Variants in ADGRG6 observed in about 807,000 individuals in gnomAD.
ADGRG6 encodes the protein G-protein coupled receptor 126.
ADGRG6 carries 84 observed loss-of-function variants against 142.4 expected under a neutral mutation model. The ratio of observed to expected loss-of-function variants is 0.59; its 90% CI spans 0.49 to 0.71. ADGRG6 has a LOEUF of 0.71. Among genes scored for constraint, ADGRG6 ranks in the 30% least tolerant of loss-of-function variants. The pLI is 0.00. For missense variants in ADGRG6, 1,367 were observed against 1,466.6 expected, an observed-to-expected ratio of 0.93 and a Z score of 1.11; for synonymous variants, 521 against 520.5, an observed-to-expected ratio of 1.00 and a Z score of -0.01.
chr6:142,311,627 A>C (rs1165067510), intron 2 of ADGRG6, among the ~76,000 whole-genome samples: 1 of 151,970 alleles, frequency 6.6e-6, no homozygotes, highest in Non-Finnish European at 1.5e-5. Flanking sequence ...CTAGTGCTTA[A>C]CTGATGTTAT....
intron 2 of ADGRG6, among the ~76,000 whole-genome samples, chr6:142,345,675 A>C (rs1270601505): frequency 6.6e-6 from 1 of 152,146 alleles, no homozygotes; most frequent in Non-Finnish European, 1.5e-5. Flanking sequence ...TTGTGATCAA[A>C]TAATTCAGTC....
chr6:142,417,556 A>T (rs1776429779), intron 21 of ADGRG6, among the ~76,000 whole-genome samples, 187 bp downstream of exon 21: 1 of 152,194 alleles, frequency 6.6e-6, no homozygotes, highest in South Asian at 2.1e-4. Context: ...ACACTTTTTC[A>T]TATTAACATT....
At chr6:142,442,713 T>C (rs1177362127) in intron 24 of ADGRG6, among the ~76,000 whole-genome samples, 3 of 152,086 alleles carry the variant, frequency 2.0e-5, no homozygotes, top group Non-Finnish European at 4.4e-5. Flanking sequence ...TTTCCAGTTG[T>C]TTATCCAGCT....
At chr6:142,390,920 C>T (rs1006292346) in intron 7 of ADGRG6, among the ~76,000 whole-genome samples, 4 of 151,608 alleles carry the variant, frequency 2.6e-5, no homozygotes, top group African/African-American at 7.3e-5. Flanking sequence ...CGTTCTATAC[C>T]GTACTTATTT....
chr6:142,366,716 C>T (rs1780956962), intron 2 of ADGRG6, among the ~76,000 whole-genome samples: 1 of 149,152 alleles, frequency 6.7e-6, no homozygotes, highest in African/African-American at 2.5e-5. Flanking sequence ...AATTATGCCA[C>T]TTCCCTCCAG....
chr6:142,389,803 G>T (rs888526799), intron 6 of ADGRG6, among the ~76,000 whole-genome samples: 3 of 151,806 alleles, frequency 2.0e-5, no homozygotes, highest in African/African-American at 7.2e-5. Context: ...GTAAGTATGT[G>T]TATGCCTGTT....
At chr6:142,352,830 C>T (rs573615139) in intron 2 of ADGRG6, among the ~76,000 whole-genome samples, 1 of 151,946 alleles carries the variant, frequency 6.6e-6, no homozygotes, top group South Asian at 2.1e-4. Flanking sequence ...CTTGTCTCTT[C>T]TTATGAATTT....
chr6:142,357,054 G>A (rs76000170), intron 2 of ADGRG6, among the ~76,000 whole-genome samples: 1,882 of 152,252 alleles, frequency 0.012, 43 homozygotes, highest in African/African-American at 0.042. Flanking sequence ...AAGATCTCGA[G>A]AGAGCTTCTA....
At chr6:142,381,141 G>C (rs1000442753) in intron 4 of ADGRG6, among the ~76,000 whole-genome samples, 4 of 152,178 alleles carry the variant, frequency 2.6e-5, no homozygotes, top group African/African-American at 9.7e-5. Context: ...TCATGTGCGA[G>C]CTGTGCCTAC....
intron 2 of ADGRG6, among the ~76,000 whole-genome samples, chr6:142,357,225 A>G (rs529640316): frequency 2.1e-4 from 32 of 152,286 alleles, no homozygotes; most frequent in African/African-American, 7.5e-4. Context: ...AATTAAGATC[A>G]TCTGTTTCTC....
At chr6:142,309,416 C>T in intron 1 of ADGRG6, 128 bp from the exon 2 acceptor site, 1 of 555,370 alleles carries the variant, frequency 1.8e-6, no homozygotes, top group Non-Finnish European at 3.1e-6. Flanking sequence ...AGTTCCTCCT[C>T]TATTTGGAAG....
At chr6:142,396,967 C>T (rs1775226591) in intron 9 of ADGRG6, among the ~76,000 whole-genome samples, 1 of 152,008 alleles carries the variant, frequency 6.6e-6, no homozygotes, top group Admixed American at 6.6e-5. Flanking sequence ...TTTTAAAGAC[C>T]TTCAAAGTCA....
chr6:142,425,660 G>T (rs1192653688), intron 22 of ADGRG6, among the ~76,000 whole-genome samples: 1 of 152,094 alleles, frequency 6.6e-6, no homozygotes, highest in Non-Finnish European at 1.5e-5. Context: ...GGATGTGTGG[G>T]AGCATGTGTT....
At chr6:142,400,068 A>G (rs906879034) in intron 10 of ADGRG6, among the ~76,000 whole-genome samples, 1 of 152,206 alleles carries the variant, frequency 6.6e-6, no homozygotes, top group Non-Finnish European at 1.5e-5. Flanking sequence ...CTCAAAGAAG[A>G]CACTATTGAG....
At chr6:142,410,962 TG>T (rs1385467187) in intron 17 of ADGRG6, among the ~76,000 whole-genome samples, 1 of 152,116 alleles carries the variant, frequency 6.6e-6, no homozygotes, top group Non-Finnish European at 1.5e-5. Context: ...CAGAAAAAAT[TG>T]TTGGTTCATT....
Position 142,382,017 on chromosome 6 carries a change from A to C in ADGRG6, c.1136A>C (p.Gln379Pro), listed in dbSNP as rs1423145185. ...TGTGCAGACCTGGGGACCCTCTGTC[A>C]AGGTAGGGAGCCCACACCGTGCTCT... ...ASCADLGTLC[Q>P]ATVNSPSTTP... The change falls in exon 5 of 25, where the codon CAA (glutamine) becomes CCA (proline). Residue 379 changes from glutamine (Q) to proline (P), a missense_variant and splice_region_variant. This residue lies in a region of ADGRG6 where 737 missense variants were observed against 746.5 expected (regional missense o/e 0.99). Coordinates refer to ENST00000367609, the MANE Select transcript of ADGRG6 (RefSeq NM_198569.3). The C allele has an allele frequency of 1.3e-6, 2 of 1,589,406 alleles. No homozygotes were observed.
intron 2 of ADGRG6, among the ~76,000 whole-genome samples, chr6:142,314,297 CA>C (rs1229924385): frequency 6.6e-6 from 1 of 152,186 alleles, no homozygotes; most frequent in Non-Finnish European, 1.5e-5. Flanking sequence ...AAGTGACCCG[CA>C]GTGTGATGGG....
chr6:142,440,906 A>T, intron 24 of ADGRG6: 1 of 1,436,092 alleles, frequency 7.0e-7, no homozygotes, highest in Non-Finnish European at 9.5e-7. Context: ...TTTATGGTAT[A>T]GATAATGTCT....
intron 4 of ADGRG6, among the ~76,000 whole-genome samples, chr6:142,375,821 T>G (rs1395139967): frequency 6.6e-6 from 1 of 152,186 alleles, no homozygotes; most frequent in Admixed American, 6.6e-5. Flanking sequence ...CATAGTAGAA[T>G]TGAACTGACT....
Sources: gnomAD v4.1 joint callset for allele counts (sites outside exome capture counted in the v4.1 genomes callset) on GRCh38, gnomAD v4.1.1 for gene constraint, gnomAD v4.1.1 regional missense constraint, MANE v1.5 for transcripts, NCBI Gene and HGNC (gene_info 2026-07-23, HGNC 2026-07-21) for gene names.